FKTN: variants seen among roughly 807,000 people sequenced by gnomAD.
The protein encoded by FKTN is ribitol-5-phosphate transferase FKTN.
FKTN carries 47 observed loss-of-function variants against 58.6 expected under a neutral mutation model. That is an observed-to-expected ratio of 0.80 (90% CI 0.63 to 1.02). FKTN has a LOEUF of 1.02. Among genes scored for constraint, FKTN ranks in the 50% least tolerant of loss-of-function variants. The pLI, the probability that FKTN is intolerant of heterozygous loss-of-function variation, is 0.00. For missense variants in FKTN, 516 were observed against 537.3 expected (o/e 0.96, Z 0.39); for synonymous variants, 178 against 191.9 (o/e 0.93, Z 0.60).
At chr9:105,625,283 A>G (rs1832610574) in intron 10 of FKTN, among the ~76,000 whole-genome samples, 1 of 152,232 alleles carries the variant, frequency 6.6e-6, no homozygotes, top group Non-Finnish European at 1.5e-5. Flanking sequence ...GAGTCAGCAC[A>G]ATTTGAATGA....
At chr9:105,630,628 T>C (rs1833301860) in intron 10 of FKTN, among the ~76,000 whole-genome samples, 1 of 152,148 alleles carries the variant, frequency 6.6e-6, no homozygotes, top group African/African-American at 2.4e-5. Context: ...AAAAATTTTT[T>C]AAGGGAAATT....
chr9:105,562,270 T>C (rs1399641496), intron 1 of FKTN, among the ~76,000 whole-genome samples: 1 of 152,222 alleles, frequency 6.6e-6, no homozygotes, highest in East Asian at 1.9e-4. Flanking sequence ...TGGTTAGTTT[T>C]TCAAGGATAG....
chr9:105,591,596 C>A (rs1418419436), intron 3 of FKTN, among the ~76,000 whole-genome samples: 2 of 152,176 alleles, frequency 1.3e-5, no homozygotes, highest in African/African-American at 2.4e-5. Flanking sequence ...CCCACAACTG[C>A]TCTCATGGGC....
intron 3 of FKTN, among the ~76,000 whole-genome samples, chr9:105,579,362 C>T (rs373628514): frequency 2.8e-3 from 421 of 152,080 alleles, no homozygotes; most frequent in Admixed American, 3.9e-3. Flanking sequence ...TCTGGTATGT[C>T]GTGTCTTTGT....
chr9:105,567,843 A>T (rs1205591613), intron 1 of FKTN, among the ~76,000 whole-genome samples: 1 of 152,196 alleles, frequency 6.6e-6, no homozygotes, highest in African/African-American at 2.4e-5. Flanking sequence ...AGTCAATCCT[A>T]AGCTAAAAGA....
At chr9:105,611,647 C>T (rs1389522127) in intron 7 of FKTN, among the ~76,000 whole-genome samples, 2 of 152,142 alleles carry the variant, frequency 1.3e-5, no homozygotes, top group Admixed American at 1.3e-4. Flanking sequence ...GCCTTCAGCT[C>T]CATCCATGTC....
intron 10 of FKTN, among the ~76,000 whole-genome samples, chr9:105,626,694 T>C (rs1298957557): frequency 1.3e-5 from 2 of 152,236 alleles, no homozygotes; most frequent in Non-Finnish European, 2.9e-5. Context: ...TTCCAAGTTA[T>C]ATTCCAGTAT....
intron 7 of FKTN, among the ~76,000 whole-genome samples, chr9:105,611,014 A>C (rs1027492975): frequency 1.4e-4 from 22 of 152,122 alleles, no homozygotes; most frequent in Non-Finnish European, 8.8e-5. Context: ...AACCAAAAGG[A>C]AAGTTGGAAA....
intron 10 of FKTN, among the ~76,000 whole-genome samples, chr9:105,621,240 T>G (rs1455567948): frequency 6.6e-6 from 1 of 152,166 alleles, no homozygotes; most frequent in African/African-American, 2.4e-5. Flanking sequence ...TCTATCATGT[T>G]ACTGTGACCT....
chr9:105,635,408 G>GT lies in FKTN; in HGVS notation c.*145dup. On this transcript the variant is annotated 3_prime_UTR_variant, in exon 11 of 11. Transcript: ENST00000357998. Reference sequence around the variant, plus strand: ...GAAGACACAGAAAGAGTCATCTGATGTAATTCTCTCACTTAGTACTGAGGA... The same window carrying GT: ...GAAGACACAGAAAGAGTCATCTGATGTTAATTCTCTCACTTAGTACTGAGGA... The GT allele has an allele frequency of 6.7e-7, 1 of 1,498,464 alleles. No homozygotes were observed. The highest frequency in any genetic ancestry group is 8.9e-7 in the Non-Finnish European group (1 of 1,128,896). 92.8% of individuals were successfully genotyped at this position (1,498,464 alleles called of 1,614,324 possible). A position where few individuals can be genotyped will look rare whatever the true frequency, so the allele number is the denominator to read the frequency against.
chr9:105,604,095 G>A, intron 5 of FKTN, 120 bp from the exon 6 acceptor site: 1 of 1,012,394 alleles, frequency 9.9e-7, no homozygotes, highest in South Asian at 1.3e-5. Flanking sequence ...GAGCAGATTA[G>A]CACAAAAATA....
intron 8 of FKTN, 37 bp downstream of exon 8, chr9:105,615,444 A>G: frequency 6.2e-7 from 1 of 1,609,254 alleles, no homozygotes; most frequent in Non-Finnish European, 8.5e-7. Flanking sequence ...TCTTTCTGTC[A>G]TTTTGTCCTC....
intron 3 of FKTN, among the ~76,000 whole-genome samples, chr9:105,592,611 T>C (rs886260867): frequency 1.3e-5 from 2 of 152,192 alleles, no homozygotes; most frequent in African/African-American, 4.8e-5. Flanking sequence ...CAATCCAGCT[T>C]GGGCAACAAG....
intron 7 of FKTN, among the ~76,000 whole-genome samples, chr9:105,612,015 G>GTTTAT (rs563944050): frequency 0.017 from 2,575 of 151,452 alleles, 39 homozygotes; most frequent in African/African-American, 0.031. Context: ...AATATCTGGG[G>GTTTAT]TTTATTTTAT....
intron 3 of FKTN, among the ~76,000 whole-genome samples, chr9:105,580,137 C>G (rs1237295999): frequency 6.6e-6 from 1 of 152,022 alleles, no homozygotes; most frequent in African/African-American, 2.4e-5. Context: ...CAGTCTGTGT[C>G]TTTTAATTGG....
intron 10 of FKTN, among the ~76,000 whole-genome samples, chr9:105,623,489 T>C (rs1414221275): frequency 3.9e-5 from 6 of 152,170 alleles, no homozygotes; most frequent in Non-Finnish European, 8.8e-5. Context: ...ATTATCAGGG[T>C]AATACAACTA....
At chr9:105,579,795 G>A (rs558884616) in intron 3 of FKTN, among the ~76,000 whole-genome samples, 40 of 150,370 alleles carry the variant, frequency 2.7e-4, no homozygotes, top group African/African-American at 9.6e-4. Context: ...TAATGTGTGG[G>A]AGTCTAAGTC....
chr9:105,634,322 T>C (rs1221564489), intron 10 of FKTN, among the ~76,000 whole-genome samples: 1 of 151,970 alleles, frequency 6.6e-6, no homozygotes, highest in African/African-American at 2.4e-5. Flanking sequence ...TTAGTAGAGA[T>C]GGGGTTTCGT....
chr9:105,620,191 A>C (rs1831603547), intron 10 of FKTN, 130 bp downstream of exon 10: 1 of 744,344 alleles, frequency 1.3e-6, no homozygotes, highest in Non-Finnish European at 2.2e-6. Context: ...ACACTTTCTT[A>C]GCTTACCCAT....
Sources: allele counts gnomAD v4.1 joint callset (sites outside exome capture counted in the v4.1 genomes callset), GRCh38; gene constraint gnomAD v4.1.1; transcripts MANE v1.5; gene names NCBI Gene and HGNC (gene_info 2026-07-23, HGNC 2026-07-21).